Variants in CTCF observed in about 807,000 individuals in gnomAD.
The protein encoded by CTCF is CCCTC-binding factor.
A neutral mutation model predicts 72.3 loss-of-function variants in CTCF; 7 were observed. The observed-to-expected ratio is 0.10, with a 90% CI of 0.06 to 0.18. The LOEUF (loss-of-function observed/expected upper bound fraction) is 0.18. Among genes scored for constraint, CTCF ranks in the 10% least tolerant of loss-of-function variants. The pLI is 1.00. For missense variants in CTCF, 516 were observed against 949.1 expected (o/e 0.54, Z 6.00); for synonymous variants, 374 against 315.8 (o/e 1.18, Z -1.95).
At chr16:67,566,204 CAATT>C (rs1442038525) in intron 1 of CTCF, among the ~76,000 whole-genome samples, 1 of 152,026 alleles carries the variant, frequency 6.6e-6, no homozygotes, top group Non-Finnish European at 1.5e-5. Flanking sequence ...CCATGGTTCT[CAATT>C]GATGTGATTT....
chr16:67,598,573 A>G (rs895814488), intron 2 of CTCF, among the ~76,000 whole-genome samples: 2 of 152,232 alleles, frequency 1.3e-5, no homozygotes, highest in Admixed American at 6.5e-5. Flanking sequence ...AAAAATGGCA[A>G]CATGATCCTG....
chr16:67,564,234 C>T (rs1267788643), intron 1 of CTCF, among the ~76,000 whole-genome samples: 6 of 152,184 alleles, frequency 3.9e-5, no homozygotes, highest in Non-Finnish European at 8.8e-5. Context: ...GAGTCTTTTG[C>T]TTTTCCGTAA....
At chr16:67,584,962 A>G (rs1227972021) in intron 2 of CTCF, among the ~76,000 whole-genome samples, 1 of 152,202 alleles carries the variant, frequency 6.6e-6, no homozygotes, top group African/African-American at 2.4e-5. Flanking sequence ...ACAGAAAAAC[A>G]TGCATCAATG....
chr16:67,563,839 GCGGT>G (rs1209723154), intron 1 of CTCF: 2 of 152,212 alleles, frequency 1.3e-5, no homozygotes, highest in Non-Finnish European at 2.9e-5. Flanking sequence ...CTAGGTGAAG[GCGGT>G]TCTGCCCCAG....
chr16:67,629,359 T>TA, intron 9 of CTCF, 39 bp from the exon 10 acceptor site: 1 of 1,567,236 alleles, frequency 6.4e-7, no homozygotes, highest in Non-Finnish European at 8.6e-7. Context: ...ATCTTAGCTT[T>TA]TTTAGTGGTG....
intron 7 of CTCF, among the ~76,000 whole-genome samples, chr16:67,624,579 C>T (rs1375540439): frequency 6.6e-6 from 1 of 151,910 alleles, no homozygotes; most frequent in Non-Finnish European, 1.5e-5. Flanking sequence ...GGCCTTAACT[C>T]CAAGGTTTTT....
chr16:67,577,278 A>G (rs1047260109), intron 2 of CTCF, among the ~76,000 whole-genome samples: 1 of 148,552 alleles, frequency 6.7e-6, no homozygotes, highest in African/African-American at 2.5e-5. Context: ...TTAGCCAGGC[A>G]TGGTGGCGGG....
At chr16:67,592,965 G>T (rs1198432677) in intron 2 of CTCF, among the ~76,000 whole-genome samples, 1 of 151,678 alleles carries the variant, frequency 6.6e-6, no homozygotes, top group Admixed American at 6.6e-5. Flanking sequence ...GGCAGGGGTT[G>T]CAGTGAGCCG....
At chr16:67,575,085 A>G (rs958042417) in intron 2 of CTCF, among the ~76,000 whole-genome samples, 2 of 152,184 alleles carry the variant, frequency 1.3e-5, no homozygotes, top group Non-Finnish European at 2.9e-5. Context: ...GGAAAAAAAA[A>G]GAATTACATT....
At chr16:67,601,236 GT>G (rs2142790443) in intron 2 of CTCF, among the ~76,000 whole-genome samples, 1 of 148,166 alleles carries the variant, frequency 6.7e-6, no homozygotes, top group East Asian at 2.0e-4. Context: ...GTGTGTGTGT[GT>G]GTGTGTGTGT....
At chr16:67,635,208 GAC>G (rs1302179292) in intron 10 of CTCF, among the ~76,000 whole-genome samples, 3 of 151,410 alleles carry the variant, frequency 2.0e-5, no homozygotes, top group Non-Finnish European at 2.9e-5. Flanking sequence ...TTTTAGTAGA[GAC>G]AGGGTTTCAC....
chr16:67,582,992 T>TG (rs2051608792), intron 2 of CTCF, among the ~76,000 whole-genome samples: 1 of 151,196 alleles, frequency 6.6e-6, no homozygotes, highest in African/African-American at 2.4e-5. Context: ...TCTTTTTTTT[T>TG]TTTTTTGAGA....
intron 10 of CTCF, among the ~76,000 whole-genome samples, chr16:67,633,806 A>T (rs1218828999): frequency 6.6e-6 from 1 of 151,772 alleles, no homozygotes; most frequent in Non-Finnish European, 1.5e-5. Flanking sequence ...ACACACACAC[A>T]CACACACACT....
chr16:67,573,851 T>C (rs570048734), intron 2 of CTCF, among the ~76,000 whole-genome samples: 1 of 152,004 alleles, frequency 6.6e-6, no homozygotes, highest in South Asian at 2.1e-4. Context: ...ACCAACATGG[T>C]GAAATCCCAT....
intron 10 of CTCF, among the ~76,000 whole-genome samples, chr16:67,633,298 TACTC>T (rs2052387724): frequency 6.6e-5 from 10 of 152,304 alleles, no homozygotes; most frequent in South Asian, 6.2e-4. Flanking sequence ...TTACAGAAAT[TACTC>T]AGGGAAACTG....
chr16:67,625,114 C>T (rs780586862), intron 7 of CTCF, among the ~76,000 whole-genome samples: 4 of 151,872 alleles, frequency 2.6e-5, no homozygotes, highest in South Asian at 2.1e-4. Flanking sequence ...TCAGTAGAGA[C>T]GGGTTTCACT....
At chr16:67,600,675 A>G (rs1052262883) in intron 2 of CTCF, among the ~76,000 whole-genome samples, 1 of 152,178 alleles carries the variant, frequency 6.6e-6, no homozygotes, top group Non-Finnish European at 1.5e-5. Flanking sequence ...ACACCTAGTC[A>G]TAAGGACAGA....
intron 2 of CTCF, among the ~76,000 whole-genome samples, chr16:67,580,654 C>T (rs1364921359): frequency 4.6e-5 from 7 of 151,876 alleles, no homozygotes; most frequent in Admixed American, 6.6e-5. Context: ...CTCTGCTTCC[C>T]GGGTTCAAGT....
chr16:67,593,308 T>A (rs2051770728), intron 2 of CTCF, among the ~76,000 whole-genome samples: 1 of 151,968 alleles, frequency 6.6e-6, no homozygotes, highest in Non-Finnish European at 1.5e-5. Flanking sequence ...GTAATGAGCA[T>A]AGTACCCAAT....
Sources: allele counts gnomAD v4.1 joint callset (sites outside exome capture counted in the v4.1 genomes callset), GRCh38; gene constraint gnomAD v4.1.1; transcripts MANE v1.5; gene names NCBI Gene and HGNC (gene_info 2026-07-23, HGNC 2026-07-21).